The following ADAMTS17 variants were observed in gnomAD, a reference collection of about 807,000 sequenced individuals.
ADAMTS17 encodes A disintegrin and metalloproteinase with thrombospondin motifs 17.
A neutral mutation model predicts 141.5 loss-of-function variants in ADAMTS17; 113 were observed. That is an observed-to-expected ratio of 0.80 (90% CI 0.69 to 0.93). ADAMTS17 has a LOEUF of 0.93. Among genes scored for constraint, ADAMTS17 ranks in the 40% least tolerant of loss-of-function variants. ADAMTS17 has a pLI of 0.00. For synonymous variants in ADAMTS17, 768 were observed against 630.6 expected, an observed-to-expected ratio of 1.22 and a Z score of -3.27; for missense variants, 1,659 against 1,517.9, an observed-to-expected ratio of 1.09 and a Z score of -1.54.
intron 13 of ADAMTS17, among the ~76,000 whole-genome samples, chr15:100,109,342 T>C (rs540106554): frequency 4.2e-4 from 64 of 152,264 alleles, no homozygotes; most frequent in Non-Finnish European, 8.5e-4. Context: ...CTCATCTCTC[T>C]ATCCTTTGCA....
At position 100,203,699 on chromosome 15, in the gene ADAMTS17, T is replaced by C. The variant is rs192741855; in HGVS notation, c.1076-4276A>G. On this transcript the variant is annotated intron_variant, in intron 7 of 21. Coordinates refer to ENST00000268070, the MANE Select transcript of ADAMTS17 (RefSeq NM_139057.4). ...CAGCCTGAGAGACAGAGCAAGACTC[T>C]TTCTCAAACAAAACAAAACAAAACA... is the stretch of plus-strand genomic sequence containing the variant. Among the ~76,000 whole-genome samples, 68 of 152,158 alleles carry C rather than the reference T, an allele frequency of 4.5e-4. No individual in the cohort carries two copies. In the East Asian group the frequency reaches 0.012, roughly 27 times the overall value.
At position 100,133,337 on chromosome 15, in the gene ADAMTS17, C is replaced by G. The variant is rs201869696; in HGVS notation, c.1474-22G>C. 2.4e-5 allele frequency: 37 copies of G among 1,562,272 alleles called. No homozygotes were observed. In the East Asian group the frequency reaches 8.2e-4, roughly 35 times the overall value. Reference sequence around the variant, plus strand: ...GATGCTGCAGGACAAGGGAAGGAACCATAATTGTGGAGAACACCCACACTC... The same window carrying G: ...GATGCTGCAGGACAAGGGAAGGAACGATAATTGTGGAGAACACCCACACTC... On this transcript the variant is annotated intron_variant, in intron 10 of 21. Transcript: ENST00000268070.
chr15:100,045,310 CT>C (rs2031600934), intron 18 of ADAMTS17, among the ~76,000 whole-genome samples: 1 of 152,056 alleles, frequency 6.6e-6, no homozygotes, highest in African/African-American at 2.4e-5. Context: ...CATACTAAAT[CT>C]TTGAAACCTC....
intron 4 of ADAMTS17, among the ~76,000 whole-genome samples, chr15:100,271,965 A>G (rs2043928632): frequency 6.6e-6 from 1 of 152,196 alleles, no homozygotes; most frequent in Non-Finnish European, 1.5e-5. Flanking sequence ...CCAGTTCTTG[A>G]AAAGACTGTC....
At chr15:100,257,699 C>T (rs2043373357) in intron 6 of ADAMTS17, among the ~76,000 whole-genome samples, 1 of 152,234 alleles carries the variant, frequency 6.6e-6, no homozygotes, top group African/African-American at 2.4e-5. Context: ...ATTAGGATCC[C>T]TCTCCTATGT....
At chr15:100,059,829 G>A (rs2032976549) in intron 15 of ADAMTS17, among the ~76,000 whole-genome samples, 1 of 152,164 alleles carries the variant, frequency 6.6e-6, no homozygotes, top group African/African-American at 2.4e-5. Flanking sequence ...AGGCACCTCT[G>A]GAGGAGTCCT....
chr15:100,268,399 T>A (rs1329449064), intron 4 of ADAMTS17, among the ~76,000 whole-genome samples: 1 of 152,222 alleles, frequency 6.6e-6, no homozygotes, highest in Non-Finnish European at 1.5e-5. Context: ...GTGACTGAAC[T>A]AATTTACCTT....
intron 4 of ADAMTS17, among the ~76,000 whole-genome samples, chr15:100,280,573 C>T (rs1405554832): frequency 6.6e-6 from 1 of 152,198 alleles, no homozygotes; most frequent in Non-Finnish European, 1.5e-5. Context: ...GCCCGCCCTC[C>T]CTCACCAGGC....
intron 3 of ADAMTS17, among the ~76,000 whole-genome samples, chr15:100,307,196 G>T (rs910989084): frequency 6.6e-6 from 1 of 152,196 alleles, no homozygotes; most frequent in Admixed American, 6.5e-5. Flanking sequence ...CCCCAATGCT[G>T]TGTGATGACC....
chr15:100,135,659 A>G (rs146986905), intron 10 of ADAMTS17, among the ~76,000 whole-genome samples: 85 of 152,352 alleles, frequency 5.6e-4, no homozygotes, highest in African/African-American at 2.0e-3. Flanking sequence ...AGAGATTTGT[A>G]ATGTGTATAA....
Position 99,974,269 on chromosome 15 carries a change from G to T in ADAMTS17, c.*133C>A. 1.7e-6 allele frequency: 2 copies of T among 1,197,460 alleles called. No homozygotes were observed. The highest frequency in any genetic ancestry group is 1.2e-6 in the Non-Finnish European group (1 of 821,342). The allele number at this position is 1,197,460 out of a possible 1,614,324, so 74.2% of individuals were successfully genotyped here. On this transcript the variant is annotated 3_prime_UTR_variant, in exon 22 of 22. Transcript: ENST00000268070. ...CGGAAGCACTAATGGCAAACGCCAAGTCCACGCTCATGTTCTATGTAGTTG... is the reference window on the plus strand; with the variant it reads ...CGGAAGCACTAATGGCAAACGCCAATTCCACGCTCATGTTCTATGTAGTTG...
At chr15:100,333,821 G>C (rs1317274019) in intron 2 of ADAMTS17, among the ~76,000 whole-genome samples, 1 of 152,218 alleles carries the variant, frequency 6.6e-6, no homozygotes, top group African/African-American at 2.4e-5. Flanking sequence ...CTGTGCCTTA[G>C]ACACAAGAGG....
At chr15:100,031,606 T>C (rs1031782276) in intron 18 of ADAMTS17, among the ~76,000 whole-genome samples, 8 of 152,330 alleles carry the variant, frequency 5.3e-5, no homozygotes, top group Admixed American at 1.3e-4. Context: ...AGACCAGACA[T>C]CTGTCCCCTA....
At chr15:100,086,777 G>C (rs1001110202) in intron 15 of ADAMTS17, among the ~76,000 whole-genome samples, 1 of 148,478 alleles carries the variant, frequency 6.7e-6, no homozygotes, top group Non-Finnish European at 1.5e-5. Flanking sequence ...GAAATAAAGA[G>C]GTTCTTTGAA....
intron 18 of ADAMTS17, among the ~76,000 whole-genome samples, chr15:100,035,613 T>C (rs2727184): frequency 0.1 from 15,927 of 152,026 alleles, 974 homozygotes; most frequent in South Asian, 0.16. Context: ...AATCTAAGCA[T>C]TGATCCTCAG....
At chr15:100,086,264 T>C (rs1173047270) in intron 15 of ADAMTS17, among the ~76,000 whole-genome samples, 10 of 151,980 alleles carry the variant, frequency 6.6e-5, no homozygotes, top group Non-Finnish European at 1.3e-4. Flanking sequence ...CATTACATAA[T>C]GGTAAAGGGA....
At chr15:100,173,591 C>T (rs1178098382) in intron 8 of ADAMTS17, among the ~76,000 whole-genome samples, 5 of 152,240 alleles carry the variant, frequency 3.3e-5, no homozygotes, top group African/African-American at 1.2e-4. Flanking sequence ...CCTTCCTCCA[C>T]TAAGCTGAAC....
At chr15:100,013,616 G>A (rs1185391874) in intron 18 of ADAMTS17, among the ~76,000 whole-genome samples, 1 of 152,138 alleles carries the variant, frequency 6.6e-6, no homozygotes, top group African/African-American at 2.4e-5. Flanking sequence ...TTTGTCAAAT[G>A]CTTTCTCTGC....
At chr15:100,158,034 A>G (rs1189073536) in intron 8 of ADAMTS17, among the ~76,000 whole-genome samples, 1 of 152,086 alleles carries the variant, frequency 6.6e-6, no homozygotes, top group Non-Finnish European at 1.5e-5. Flanking sequence ...GACTAGAGGC[A>G]CGCGCCAGCA....
Sources: gnomAD v4.1 joint callset for allele counts (sites outside exome capture counted in the v4.1 genomes callset) on GRCh38, gnomAD v4.1.1 for gene constraint, MANE v1.5 for transcripts, NCBI Gene and HGNC (gene_info 2026-07-23, HGNC 2026-07-21) for gene names.